MAP3K19: variants seen among roughly 807,000 people sequenced by gnomAD.
MAP3K19 encodes SPS1/STE20-related protein kinase YSK4.
Under a neutral mutation model 114.4 loss-of-function variants are expected in MAP3K19, and 91 were observed. The ratio of observed to expected loss-of-function variants is 0.80; its 90% CI spans 0.67 to 0.95. The LOEUF is 0.95. Among genes scored for constraint, MAP3K19 ranks in the 40% least tolerant of loss-of-function variants. MAP3K19 has a pLI of 0.00. For synonymous variants in MAP3K19, 518 were observed against 530.5 expected (o/e 0.98, Z 0.32); for missense variants, 1,471 against 1,573.2 (o/e 0.94, Z 1.10).
chr2:135,021,687 C>T (rs369600783), intron 5 of MAP3K19, 28 bp downstream of exon 5: 19 of 1,312,086 alleles, frequency 1.4e-5, no homozygotes, highest in East Asian at 4.7e-5. Context: ...GTAGGCTGTC[C>T]GTTGTTTCTT....
chr2:134,993,699 A>G (rs925683836), intron 8 of MAP3K19, among the ~76,000 whole-genome samples: 1 of 152,246 alleles, frequency 6.6e-6, no homozygotes, highest in Non-Finnish European at 1.5e-5. Flanking sequence ...TGTATTATCC[A>G]GTATTGGTCA....
Position 135,010,718 on chromosome 2 carries a change from C to G in MAP3K19, c.139-5187G>C, listed in dbSNP as rs142539616. ...TTATAGTTCACTGCAGCCTCAAACT[C>G]CTGTGTTCAAGTGGTTCTCCCACCT... On this transcript the variant is annotated intron_variant, in intron 5 of 12. Transcript: ENST00000392915. 3.3e-5 allele frequency among the ~76,000 whole-genome samples: 5 copies of G among 152,322 alleles called. No homozygotes were observed. The East Asian group carries it at 9.6e-4, about 29-fold the overall frequency.
chr2:135,008,809 C>T (rs1191430402), intron 5 of MAP3K19, among the ~76,000 whole-genome samples: 1 of 151,958 alleles, frequency 6.6e-6, no homozygotes, highest in African/African-American at 2.4e-5. Flanking sequence ...GGCAGTGTCT[C>T]ACTCTGGCAC....
chr2:135,018,534 G>C (rs1246519596), intron 5 of MAP3K19, among the ~76,000 whole-genome samples: 1 of 152,124 alleles, frequency 6.6e-6, no homozygotes, highest in Non-Finnish European at 1.5e-5. Context: ...GACAGCTCTT[G>C]CTATGTTGTT....
intron 11 of MAP3K19, among the ~76,000 whole-genome samples, chr2:134,982,593 AC>A (rs1173221481): frequency 2.6e-5 from 4 of 151,138 alleles, no homozygotes; most frequent in Non-Finnish European, 5.9e-5. Context: ...CAAGTGATCC[AC>A]CCGCCTCGGC....
intron 5 of MAP3K19, among the ~76,000 whole-genome samples, chr2:135,006,906 G>C (rs566203764): frequency 6.6e-6 from 1 of 152,020 alleles, no homozygotes; most frequent in Non-Finnish European, 1.5e-5. Context: ...GGCCAGGCAT[G>C]GTGAGTCACA....
intron 11 of MAP3K19, among the ~76,000 whole-genome samples, chr2:134,982,232 C>A (rs756554799): frequency 6.7e-6 from 1 of 149,974 alleles, no homozygotes; most frequent in African/African-American, 2.5e-5. Context: ...GATCCTCCTG[C>A]CTCAGTGTCC....
At chr2:135,029,655 CAATTGATTTTCTTTCAGTTGGAA>C (rs747716763) in intron 3 of MAP3K19, among the ~76,000 whole-genome samples, 2 of 152,170 alleles carry the variant, frequency 1.3e-5, no homozygotes, top group Non-Finnish European at 2.9e-5. Context: ...TTCCTAGCAG[CAATTGATTTTCTTTCAGTTGGAA>C]GGTCACATGG....
At chr2:135,029,483 C>T (rs546625648) in intron 3 of MAP3K19, among the ~76,000 whole-genome samples, 56 of 152,300 alleles carry the variant, frequency 3.7e-4, no homozygotes, top group African/African-American at 1.3e-3. Flanking sequence ...AGCCTCAGTT[C>T]GTGATGTCTG....
intron 5 of MAP3K19, among the ~76,000 whole-genome samples, chr2:135,009,886 G>T (rs1687101166): frequency 6.6e-6 from 1 of 151,932 alleles, no homozygotes. Flanking sequence ...GCATAAATGG[G>T]TTAACTAATT....
intron 11 of MAP3K19, 59 bp from the exon 12 acceptor site, chr2:134,981,577 T>A: frequency 7.7e-7 from 1 of 1,303,268 alleles, no homozygotes; most frequent in Non-Finnish European, 1.1e-6. Flanking sequence ...ATTCACAAAA[T>A]GCCTCAGGTG....
chr2:134,981,407 C>T lies in MAP3K19; in HGVS notation c.3334G>A (p.Val1112Ile), dbSNP rs1302328314. 1 of 1,614,224 alleles carries T rather than the reference C, an allele frequency of 6.2e-7. No homozygotes were observed. Among genetic ancestry groups the T allele is most frequent in the South Asian group, 1.1e-5 (1 of 91,088 alleles). The change falls in exon 12 of 13, where the codon GTA (valine) becomes ATA (isoleucine). Residue 1112 changes from valine to isoleucine, a missense_variant. Physicochemically the swap from Val to Ile is conservative, Grantham distance 29. Transcript: ENST00000392915. ...EKEYRKLQEE[V>I]DLLKALKHVN... ...TGTTTCAGTGCTTTGAGCAAATCTA[C>T]TTCTTCCTGTAGTTTCCGGTATTCC...
rs374216937 is a variant in MAP3K19, at chr2:134,967,904, C to G, written c.3921-2988G>C. ...ATTGATCATTCTTGGGTGTTTCTCG[C>G]AGAGGGGGATTTGGCAGGGTCATAG... On this transcript the variant is annotated intron_variant, in intron 12 of 12. Coordinates refer to ENST00000392915, the MANE Select transcript of MAP3K19 (RefSeq NM_025052.5). Among the ~76,000 whole-genome samples the G allele has an allele frequency of 2.8e-4, 42 of 150,172 alleles. 1 individual carries two copies. The highest frequency in any genetic ancestry group is 8.4e-4 in the South Asian group (4 of 4,738).
intron 8 of MAP3K19, among the ~76,000 whole-genome samples, chr2:134,995,288 G>A (rs1404224134): frequency 7.0e-6 from 1 of 143,568 alleles, no homozygotes; most frequent in Non-Finnish European, 1.5e-5. Context: ...TGCACTCCAA[G>A]CATGGGTGAC....
At chr2:134,993,363 G>T (rs1230559876) in intron 8 of MAP3K19, among the ~76,000 whole-genome samples, 1 of 152,176 alleles carries the variant, frequency 6.6e-6, no homozygotes, top group Non-Finnish European at 1.5e-5. Flanking sequence ...CAACAGGAGG[G>T]GGCACAGGCA....
chr2:135,005,650 G>C (rs1559173063), intron 5 of MAP3K19, 119 bp from the exon 6 acceptor site: 13 of 731,742 alleles, frequency 1.8e-5, no homozygotes. Flanking sequence ...TTTTAAATTG[G>C]ATAAAGTATT....
intron 6 of MAP3K19, among the ~76,000 whole-genome samples, chr2:135,002,720 C>A (rs1686533769): frequency 6.6e-6 from 1 of 151,988 alleles, no homozygotes. Context: ...AAGGTGCAGG[C>A]ATGCTGTGTG....
intron 10 of MAP3K19, among the ~76,000 whole-genome samples, chr2:134,984,774 A>T (rs755279638): frequency 7.9e-5 from 12 of 152,178 alleles, no homozygotes; most frequent in Non-Finnish European, 1.5e-4. Context: ...CAAGATGGTG[A>T]AATCCCGTCT....
chr2:135,014,404 C>G (rs10187402), intron 5 of MAP3K19, among the ~76,000 whole-genome samples: 77,324 of 151,902 alleles, frequency 0.51, 25,059 homozygotes, highest in African/African-American at 0.86. Context: ...TGTCCAGGCT[C>G]GTCTCAAACT....
Sources: gnomAD v4.1 joint callset for allele counts (sites outside exome capture counted in the v4.1 genomes callset) on GRCh38, gnomAD v4.1.1 for gene constraint, MANE v1.5 for transcripts, NCBI Gene and HGNC (gene_info 2026-07-23, HGNC 2026-07-21) for gene names.